The following NXPH1 variants were observed in gnomAD, a reference collection of about 807,000 sequenced individuals.
NXPH1 encodes neurexophilin 1.
A neutral mutation model predicts 23.7 loss-of-function variants in NXPH1; 5 were observed. The ratio of observed to expected loss-of-function variants is 0.21; its 90% CI spans 0.11 to 0.44. The LOEUF (loss-of-function observed/expected upper bound fraction) is 0.44. Among genes scored for constraint, NXPH1 ranks in the 20% least tolerant of loss-of-function variants. NXPH1 has a pLI of 0.99. For missense variants in NXPH1, 324 were observed against 321.6 expected (o/e 1.01, Z -0.06); for synonymous variants, 144 against 122.2 (o/e 1.18, Z -1.18).
intron 2 of NXPH1, among the ~76,000 whole-genome samples, chr7:8,743,978 C>T (rs1019200301): frequency 6.6e-6 from 1 of 152,134 alleles, no homozygotes; most frequent in Non-Finnish European, 1.5e-5. Context: ...GCCACCGCGC[C>T]CTGCCAAAGC....
In NXPH1 at chr7:8,698,947, T is replaced by G. The variant is rs114269811; in HGVS notation, c.55-52061T>G. Reference sequence around the variant, plus strand: ...AAATTTATTTTCAGAAGTTTATTCATTGTAGTAGAGTATGCTGCTTAAATT... The same window carrying G: ...AAATTTATTTTCAGAAGTTTATTCAGTGTAGTAGAGTATGCTGCTTAAATT... On this transcript the variant is annotated intron_variant, in intron 2 of 2. Coordinates refer to ENST00000405863, the MANE Select transcript of NXPH1 (RefSeq NM_152745.3). 9.4e-3 allele frequency among the ~76,000 whole-genome samples: 1,427 copies of G among 152,276 alleles called. 13 individuals are homozygous for G. Among genetic ancestry groups the G allele is most frequent in the African/African-American group, 0.032 (1,332 of 41,570 alleles).
At chr7:8,486,532 T>C (rs1298948304) in intron 2 of NXPH1, among the ~76,000 whole-genome samples, 1 of 152,192 alleles carries the variant, frequency 6.6e-6, no homozygotes, top group Admixed American at 6.6e-5. Context: ...CTGTGTGAAC[T>C]CAGACAAGTC....
chr7:8,465,754 T>G (rs1299909396), intron 2 of NXPH1, among the ~76,000 whole-genome samples: 1 of 152,232 alleles, frequency 6.6e-6, no homozygotes, highest in Non-Finnish European at 1.5e-5. Flanking sequence ...TGCTTTCTAA[T>G]TATTCCCTAG....
At chr7:8,495,646 C>T (rs1452392905) in intron 2 of NXPH1, among the ~76,000 whole-genome samples, 1 of 151,950 alleles carries the variant, frequency 6.6e-6, no homozygotes, top group Non-Finnish European at 1.5e-5. Flanking sequence ...TGAAGAGAGG[C>T]ATATTATTTT....
intron 2 of NXPH1, among the ~76,000 whole-genome samples, chr7:8,629,861 A>T (rs555682812): frequency 1.3e-5 from 2 of 152,320 alleles, no homozygotes; most frequent in Non-Finnish European, 2.9e-5. Context: ...TGCTTTTATC[A>T]GCTCAAGCAG....
At chr7:8,696,337 C>T (rs2073819501) in intron 2 of NXPH1, among the ~76,000 whole-genome samples, 1 of 152,192 alleles carries the variant, frequency 6.6e-6, no homozygotes, top group Admixed American at 6.5e-5. Flanking sequence ...GGACATTGGG[C>T]ACAGGCTAAT....
intron 2 of NXPH1, among the ~76,000 whole-genome samples, chr7:8,581,662 A>G (rs1388494918): frequency 3.9e-5 from 6 of 152,192 alleles, no homozygotes; most frequent in Non-Finnish European, 7.3e-5. Context: ...GAGTCTTCAC[A>G]GAGCTTAGAG....
At chr7:8,747,011 T>A (rs1222257458) in intron 2 of NXPH1, among the ~76,000 whole-genome samples, 1 of 152,156 alleles carries the variant, frequency 6.6e-6, no homozygotes, top group Non-Finnish European at 1.5e-5. Context: ...AAATATCTGG[T>A]GATGACAACA....
At chr7:8,486,068 G>A (rs1399667898) in intron 2 of NXPH1, among the ~76,000 whole-genome samples, 2 of 152,086 alleles carry the variant, frequency 1.3e-5, no homozygotes, top group Non-Finnish European at 2.9e-5. Flanking sequence ...TGGGATTTGA[G>A]GTACCCCATA....
chr7:8,505,890 C>G (rs2214694), intron 2 of NXPH1, among the ~76,000 whole-genome samples: 37,081 of 151,958 alleles, frequency 0.24, 4,979 homozygotes, highest in African/African-American at 0.36. Context: ...TAAAAGTGTA[C>G]ATTTCTGGGA....
At chr7:8,549,239 A>C (rs1400330011) in intron 2 of NXPH1, among the ~76,000 whole-genome samples, 1 of 151,532 alleles carries the variant, frequency 6.6e-6, no homozygotes, top group Non-Finnish European at 1.5e-5. Flanking sequence ...ATGTGGCCTC[A>C]TTAAGTGCAA....
intron 2 of NXPH1, among the ~76,000 whole-genome samples, chr7:8,647,019 A>T (rs546089629): frequency 1.5e-4 from 23 of 152,118 alleles, no homozygotes; most frequent in Admixed American, 8.5e-4. Flanking sequence ...AGATGGGACC[A>T]TAGAACAGTC....
chr7:8,552,129 A>C (rs75458819), intron 2 of NXPH1, among the ~76,000 whole-genome samples: 88 of 148,836 alleles, frequency 5.9e-4, no homozygotes, highest in African/African-American at 1.7e-3. Context: ...AAAAAAAAAA[A>C]AAAAAAAAAA....
At chr7:8,709,882 C>T (rs1475154466) in intron 2 of NXPH1, among the ~76,000 whole-genome samples, 1 of 152,204 alleles carries the variant, frequency 6.6e-6, no homozygotes, top group African/African-American at 2.4e-5. Context: ...TCTTTACCAG[C>T]AGGCAGCCAA....
chr7:8,493,319 T>A (rs1817282977), intron 2 of NXPH1, among the ~76,000 whole-genome samples: 1 of 152,092 alleles, frequency 6.6e-6, no homozygotes. Flanking sequence ...TAGCTCTGGC[T>A]ATTTCATCAC....
chr7:8,663,202 A>G (rs1338944180), intron 2 of NXPH1, among the ~76,000 whole-genome samples: 1 of 152,092 alleles, frequency 6.6e-6, no homozygotes, highest in African/African-American at 2.4e-5. Flanking sequence ...TCTTACTTGC[A>G]AAAAGAAGGA....
chr7:8,710,879 G>A lies in NXPH1; in HGVS notation c.55-40129G>A, dbSNP rs1388753994. Among the ~76,000 whole-genome samples, 3 of 143,244 alleles carry A rather than the reference G, an allele frequency of 2.1e-5. No individual in the cohort carries two copies. The South Asian group carries it at 6.7e-4, about 32-fold the overall frequency. 94.0% of individuals were successfully genotyped at this position (143,244 alleles called of 152,430 possible). A position where few individuals can be genotyped will look rare whatever the true frequency, so the allele number is the denominator to read the frequency against. On this transcript the variant is annotated intron_variant, in intron 2 of 2. Transcript: ENST00000405863. Reference sequence around the variant, plus strand: ...GGGTTTCACCGTGTTAGCCAGGATGGTCTCGATCTCCTGACCTCATGATCC... The same window carrying A: ...GGGTTTCACCGTGTTAGCCAGGATGATCTCGATCTCCTGACCTCATGATCC...
At position 8,434,571 on chromosome 7, in the gene NXPH1, G is replaced by C. The variant is rs1287043870; in HGVS notation, c.-295G>C. 6.5e-6 allele frequency: 1 copy of C among 152,704 alleles called. No individual in the cohort carries two copies. The highest frequency in any genetic ancestry group is 2.4e-5 in the African/African-American group (1 of 41,442). The allele number at this position is 152,704 out of a possible 1,614,324, so 9.5% of individuals were successfully genotyped here. ...CGCGAACCAATCCTGAGCGCGACCC[G>C]GGCACTGGGACGGCGACTCCGCCAA... On this transcript the variant is annotated 5_prime_UTR_variant, in exon 1 of 3. Transcript: ENST00000405863. The surrounding 1 kb of genome is among the most constrained non-coding windows in gnomAD (Gnocchi z 7.6).
At chr7:8,658,265 C>T (rs541426307) in intron 2 of NXPH1, among the ~76,000 whole-genome samples, 2 of 152,284 alleles carry the variant, frequency 1.3e-5, no homozygotes, top group South Asian at 4.1e-4. Context: ...TTGTAAGTTC[C>T]TACTACTATG....
Sources: allele counts gnomAD v4.1 joint callset (sites outside exome capture counted in the v4.1 genomes callset), GRCh38; gene constraint gnomAD v4.1.1; non-coding constraint Gnocchi (gnomAD v3.1); transcripts MANE v1.5; gene names NCBI Gene and HGNC (gene_info 2026-07-23, HGNC 2026-07-21).